NEK10: variants seen among roughly 807,000 people sequenced by gnomAD.
The protein encoded by NEK10 is NIMA related kinase 10, also known as serine/threonine-protein kinase Nek10.
In NEK10, 122 loss-of-function variants were observed where a neutral mutation model predicts 159.8. The observed-to-expected ratio is 0.76, with a 90% CI of 0.66 to 0.89. The LOEUF is 0.89. Ranked by LOEUF, NEK10 falls within the 40% of genes least tolerant of loss-of-function variation. The probability of loss-of-function intolerance (pLI) is 0.00; values close to 1 mark genes in which losing one functional copy is unlikely to be tolerated. For missense variants in NEK10, 1,342 were observed against 1,323.1 expected, an observed-to-expected ratio of 1.01 and a Z score of -0.22; for synonymous variants, 466 against 457.1, an observed-to-expected ratio of 1.02 and a Z score of -0.25.
chr3:27,230,925 G>A (rs1953186934), intron 23 of NEK10, among the ~76,000 whole-genome samples: 1 of 151,764 alleles, frequency 6.6e-6, no homozygotes, highest in Non-Finnish European at 1.5e-5. Flanking sequence ...TGGTAGTGGG[G>A]GACTTCAATA....
intron 33 of NEK10, among the ~76,000 whole-genome samples, chr3:27,119,155 A>G (rs1289837779): frequency 6.6e-6 from 1 of 152,218 alleles, no homozygotes; most frequent in Non-Finnish European, 1.5e-5. Flanking sequence ...AATCCTCACT[A>G]TAACCTTGTG....
intron 31 of NEK10, among the ~76,000 whole-genome samples, chr3:27,135,277 A>G (rs1305053223): frequency 6.6e-6 from 1 of 152,146 alleles, no homozygotes; most frequent in Non-Finnish European, 1.5e-5. Context: ...AAATAAACAA[A>G]CATTTTTACA....
At position 27,291,586 on chromosome 3, in the gene NEK10, T is replaced by A; in HGVS notation, c.1374A>T (p.Arg458Ser). 1 of 1,536,236 alleles carries A rather than the reference T, an allele frequency of 6.5e-7. No homozygotes were observed. Among genetic ancestry groups the A allele is most frequent in the South Asian group, 1.1e-5 (1 of 89,458 alleles). The change falls in exon 17 of 36, where the codon AGA (arginine) becomes AGT (serine). Residue 458 changes from arginine (R) to serine (S), a missense_variant and splice_region_variant. By Grantham distance (110) the Arg-to-Ser change is moderately radical (BLOSUM62 -1). Transcript: ENST00000691995. Reference sequence around the variant, plus strand: ...TCTCAAACAAGTCTGTGGGGAAAAGTCTACAGAGAATATTACACACACTTA... The same window carrying A: ...TCTCAAACAAGTCTGTGGGGAAAAGACTACAGAGAATATTACACACACTTA... ...SMERNRPLFK[R>S]LFPTDLFEIF...
chr3:27,255,268 G>T, intron 23 of NEK10: 1 of 435,096 alleles, frequency 2.3e-6, no homozygotes, highest in Non-Finnish European at 4.6e-6. Flanking sequence ...GTACATGTTA[G>T]CCTGCCACAG....
rs1244510391 is a variant in NEK10, at chr3:27,156,949, T to C, written c.2869+5752A>G. ...AAACTGATATATATATATATATATA[T>C]ATATATATATATATATATATATATA... On this transcript the variant is annotated intron_variant, in intron 30 of 35. Coordinates refer to ENST00000691995, the MANE Select transcript of NEK10 (RefSeq NM_001394966.1). Among the ~76,000 whole-genome samples the C allele has an allele frequency of 1.5e-3, 170 of 113,138 alleles. 2 individuals are homozygous for C. The highest frequency in any genetic ancestry group is 5.4e-3 in the African/African-American group (168 of 30,880). The allele number at this position is 113,138 out of a possible 152,430, so 74.2% of individuals were successfully genotyped here. A position where few individuals can be genotyped will look rare whatever the true frequency, so the allele number is the denominator to read the frequency against.
intron 32 of NEK10, among the ~76,000 whole-genome samples, chr3:27,124,806 C>T (rs916593950): frequency 6.6e-6 from 1 of 152,094 alleles, no homozygotes; most frequent in South Asian, 2.1e-4. Context: ...AAATGTTCAC[C>T]CAGCAGGTGG....
At chr3:27,154,178 A>C (rs2103019) in intron 30 of NEK10, among the ~76,000 whole-genome samples, 1 of 152,168 alleles carries the variant, frequency 6.6e-6, no homozygotes, top group Non-Finnish European at 1.5e-5. Context: ...AACACCTTTA[A>C]GAATATAAAC....
intron 32 of NEK10, among the ~76,000 whole-genome samples, chr3:27,120,474 C>A (rs972136329): frequency 6.6e-6 from 1 of 150,574 alleles, no homozygotes; most frequent in Non-Finnish European, 1.5e-5. Flanking sequence ...AGGCACCCAC[C>A]ACCATGCCCA....
chr3:27,364,085 C>CT (rs1453280374), intron 1 of NEK10, among the ~76,000 whole-genome samples: 1 of 151,792 alleles, frequency 6.6e-6, no homozygotes, highest in African/African-American at 2.4e-5. Context: ...TAAGTATTAA[C>CT]TTTTTTGTGT....
chr3:27,174,589 C>T, intron 27 of NEK10, 61 bp downstream of exon 27: 2 of 1,599,272 alleles, frequency 1.3e-6, no homozygotes, highest in Non-Finnish European at 8.5e-7. Flanking sequence ...GTCCAGAATA[C>T]ATTCATGTTG....
At chr3:27,208,089 T>C (rs953853906) in intron 23 of NEK10, among the ~76,000 whole-genome samples, 2 of 152,140 alleles carry the variant, frequency 1.3e-5, no homozygotes, top group Non-Finnish European at 2.9e-5. Flanking sequence ...TGTGTGCATG[T>C]CCATGGATAT....
At chr3:27,356,360 A>C (rs921201082) in intron 1 of NEK10, among the ~76,000 whole-genome samples, 24 of 152,092 alleles carry the variant, frequency 1.6e-4, no homozygotes, top group Non-Finnish European at 2.6e-4. Context: ...AAAAATTTAA[A>C]AATAAGCCAA....
intron 31 of NEK10, among the ~76,000 whole-genome samples, chr3:27,133,370 C>T (rs967585271): frequency 6.6e-6 from 1 of 152,218 alleles, no homozygotes; most frequent in Non-Finnish European, 1.5e-5. Flanking sequence ...ACTGATTGCA[C>T]AGCCAAATAA....
chr3:27,272,660 T>C (rs886809647), intron 22 of NEK10, among the ~76,000 whole-genome samples: 1 of 152,160 alleles, frequency 6.6e-6, no homozygotes, highest in African/African-American at 2.4e-5. Flanking sequence ...GACTTCATGA[T>C]TGTCCATTTA....
At chr3:27,367,055 C>T (rs61181877) in intron 1 of NEK10, among the ~76,000 whole-genome samples, 17,205 of 152,130 alleles carry the variant, frequency 0.11, 3,276 homozygotes, top group African/African-American at 0.39. Context: ...GGTGATCCAC[C>T]CACCTCATCG....
At chr3:27,365,597 GTT>G (rs71091128) in intron 1 of NEK10, among the ~76,000 whole-genome samples, 120 of 90,946 alleles carry the variant, frequency 1.3e-3, no homozygotes, top group South Asian at 5.5e-3. Context: ...GGTTTTTTGT[GTT>G]TTTTTTTTGT....
intron 23 of NEK10, among the ~76,000 whole-genome samples, chr3:27,223,376 C>G (rs1195755238): frequency 6.6e-6 from 1 of 152,144 alleles, no homozygotes; most frequent in Non-Finnish European, 1.5e-5. Flanking sequence ...TCATGATCCC[C>G]CTGTACCCCA....
At chr3:27,168,983 C>T (rs936446878) in intron 29 of NEK10, among the ~76,000 whole-genome samples, 1 of 152,154 alleles carries the variant, frequency 6.6e-6, no homozygotes, top group African/African-American at 2.4e-5. Flanking sequence ...TAAAAGCCAT[C>T]TCAAGCTCTA....
intron 26 of NEK10, among the ~76,000 whole-genome samples, chr3:27,187,752 C>A (rs576467825): frequency 1.3e-4 from 18 of 136,928 alleles, no homozygotes; most frequent in African/African-American, 5.0e-4. Context: ...CAGAGTGAGA[C>A]TCCATCTCAA....
Sources: allele counts gnomAD v4.1 joint callset (sites outside exome capture counted in the v4.1 genomes callset), GRCh38; gene constraint gnomAD v4.1.1; transcripts MANE v1.5; gene names NCBI Gene and HGNC (gene_info 2026-07-23, HGNC 2026-07-21).